Variants in CREBRF observed in about 807,000 individuals in gnomAD.
CREBRF encodes the protein CREB3 regulatory factor.
In CREBRF, 5 loss-of-function variants were observed where a neutral mutation model predicts 66.1. The observed-to-expected ratio is 0.08, with a 90% confidence interval of 0.04 to 0.16. The LOEUF (loss-of-function observed/expected upper bound fraction) is 0.16. Ranked by LOEUF, CREBRF falls within the 10% of genes least tolerant of loss-of-function variation. The pLI is 1.00. For synonymous variants in CREBRF, 229 were observed against 264.4 expected, an observed-to-expected ratio of 0.87 and a Z score of 1.30; for missense variants, 531 against 744.9, an observed-to-expected ratio of 0.71 and a Z score of 3.34.
At chr5:173,117,018 GTTTTC>G (rs2113783692) in intron 7 of CREBRF, among the ~76,000 whole-genome samples, 1 of 152,196 alleles carries the variant, frequency 6.6e-6, no homozygotes, top group African/African-American at 2.4e-5. Flanking sequence ...CTGTTCATAT[GTTTTC>G]TTTTGTGAAG....
At chr5:173,093,939 G>A (rs774683415) in intron 4 of CREBRF, among the ~76,000 whole-genome samples, 13 of 152,058 alleles carry the variant, frequency 8.5e-5, no homozygotes, top group Non-Finnish European at 1.5e-4. Context: ...ACCAGCCCCT[G>A]GCAACCTCCA....
At chr5:173,057,238 G>A (rs1757092068) in intron 1 of CREBRF, 1 of 84,226 alleles carries the variant, frequency 1.2e-5, no homozygotes. Context: ...GGGAGGCGGT[G>A]CCGCGGGGGG....
chr5:173,074,961 A>G (rs1039955059), intron 1 of CREBRF, among the ~76,000 whole-genome samples: 2 of 152,182 alleles, frequency 1.3e-5, no homozygotes, highest in Non-Finnish European at 2.9e-5. Context: ...TGAGGATAAA[A>G]GACTATTACA....
intron 7 of CREBRF, among the ~76,000 whole-genome samples, chr5:173,120,263 A>G (rs2339769): frequency 0.085 from 12,917 of 152,164 alleles, 730 homozygotes; most frequent in Middle Eastern, 0.17. Context: ...AGAATTTGCT[A>G]TTAAAACCTT....
intron 7 of CREBRF, among the ~76,000 whole-genome samples, chr5:173,120,856 G>T (rs1759123819): frequency 6.6e-6 from 1 of 151,394 alleles, no homozygotes; most frequent in African/African-American, 2.4e-5. Flanking sequence ...ACCAAGCCCA[G>T]CTAATTTTTA....
intron 4 of CREBRF, among the ~76,000 whole-genome samples, chr5:173,104,711 C>CAGAGAG (rs112995190): frequency 2.3e-4 from 34 of 146,506 alleles, no homozygotes; most frequent in African/African-American, 5.3e-4. Context: ...GCAACAAATT[C>CAGAGAG]AGAGAGAGAG....
rs774982420 is a variant in CREBRF at position 173,133,599 on chromosome 5, G to A, written c.1805-31G>A. 2.3e-6 allele frequency: 3 copies of A among 1,326,038 alleles called. No homozygotes were observed. The South Asian group carries it at 3.6e-5, about 16-fold the overall frequency. 82.1% of individuals were successfully genotyped at this position (1,326,038 alleles called of 1,614,324 possible). ...TCCCTTCATGGCCTTCCATTTTTGT[G>A]TCTAGATGTGCCTTTTATTCTTCTC... On this transcript the variant is annotated intron_variant, in intron 8 of 8. Transcript: ENST00000296953.
rs1561785047 is a variant in CREBRF at position 173,056,404 on chromosome 5, C to T, written c.-267C>T. On this transcript the variant is annotated 5_prime_UTR_variant, in exon 1 of 9. Transcript: ENST00000296953. ...AGGAAGGACATAAACAAAACAAACC[C>T]GAGGCAGCATGGAGAGGGGCCGTGG... is the stretch of plus-strand genomic sequence containing the variant. 3 of 398,160 alleles carry T rather than the reference C, an allele frequency of 7.5e-6. No individual in the cohort carries two copies. The highest frequency in any genetic ancestry group is 8.9e-6 in the Non-Finnish European group (2 of 225,808). The allele number at this position is 398,160 out of a possible 1,614,324, so 24.7% of individuals were successfully genotyped here. A position where few individuals can be genotyped will look rare whatever the true frequency, so the allele number is the denominator to read the frequency against.
intron 1 of CREBRF, among the ~76,000 whole-genome samples, chr5:173,056,808 C>T (rs1455282543): frequency 6.6e-6 from 1 of 151,804 alleles, no homozygotes; most frequent in East Asian, 2.0e-4. Context: ...TGCCGGGCCG[C>T]CCGGCCCTTC....
chr5:173,076,057 C>CAAA (rs35215379), intron 1 of CREBRF, among the ~76,000 whole-genome samples: 30 of 92,434 alleles, frequency 3.2e-4, no homozygotes, highest in East Asian at 8.0e-4. Context: ...CCCATCTCTA[C>CAAA]AAAAAAAAAA....
At chr5:173,112,503 TTTA>T in intron 7 of CREBRF, 124 bp downstream of exon 7, 1 of 616,332 alleles carries the variant, frequency 1.6e-6, no homozygotes, top group Non-Finnish European at 2.8e-6. Context: ...CTCCTATTTG[TTTA>T]TCTGTTCAGT....
At chr5:173,120,619 GAT>G (rs776318738) in intron 7 of CREBRF, among the ~76,000 whole-genome samples, 2 of 147,600 alleles carry the variant, frequency 1.4e-5, no homozygotes, top group Non-Finnish European at 3.0e-5. Context: ...GGCCTCAAGT[GAT>G]CCACCCATCT....
At chr5:173,100,078 T>TTGTTTG (rs1758579707) in intron 4 of CREBRF, among the ~76,000 whole-genome samples, 1 of 69,134 alleles carries the variant, frequency 1.4e-5, no homozygotes, top group Admixed American at 1.9e-4. Flanking sequence ...GGCTAATCTT[T>TTGTTTG]TGTGTGTGTG....
chr5:173,077,283 T>A (rs959493760), intron 1 of CREBRF, among the ~76,000 whole-genome samples: 15 of 152,220 alleles, frequency 9.9e-5, no homozygotes, highest in Admixed American at 6.5e-4. Context: ...GTAAAAAAAA[T>A]TTTTTGTGGT....
intron 1 of CREBRF, among the ~76,000 whole-genome samples, chr5:173,057,100 C>G (rs1016155544): frequency 2.0e-5 from 3 of 151,968 alleles, no homozygotes; most frequent in Non-Finnish European, 2.9e-5. Flanking sequence ...GCCTCCCTCC[C>G]GGGATTTGTT....
chr5:173,079,184 T>C (rs546029961), intron 1 of CREBRF, among the ~76,000 whole-genome samples: 22 of 152,232 alleles, frequency 1.4e-4, no homozygotes, highest in African/African-American at 5.1e-4. Flanking sequence ...AGGTGGGCAC[T>C]TGACATTGTT....
At chr5:173,109,116 C>T in intron 5 of CREBRF, 1 of 279,836 alleles carries the variant, frequency 3.6e-6, no homozygotes, top group African/African-American at 2.2e-5. Context: ...GGTTTCTGAC[C>T]TGTCACAGTT....
chr5:173,134,316 A>G lies in CREBRF; in HGVS notation c.*571A>G, dbSNP rs1440889622. The G allele has an allele frequency of 4.3e-6, 1 of 230,482 alleles. No individual in the cohort carries two copies. The highest frequency in any genetic ancestry group is 8.6e-6 in the Non-Finnish European group (1 of 115,942). The allele number at this position is 230,482 out of a possible 1,614,324, so 14.3% of individuals were successfully genotyped here. ...CACACACACACACAAATGTCTGTGC[A>G]AGTAAGAAAAAAAAAGCATATTCTT... On this transcript the variant is annotated 3_prime_UTR_variant, in exon 9 of 9. Transcript: ENST00000296953.
intron 7 of CREBRF, among the ~76,000 whole-genome samples, chr5:173,120,683 CTTTTTTTTTTTTTTT>C (rs70984942): frequency 2.0e-5 from 1 of 51,218 alleles, no homozygotes; most frequent in Non-Finnish European, 3.8e-5. Context: ...GCCTGAGCCT[CTTTTTTTTTTTTTTT>C]TTTTTTTTTT....
Sources: gnomAD v4.1 joint callset for allele counts (sites outside exome capture counted in the v4.1 genomes callset) on GRCh38, gnomAD v4.1.1 for gene constraint, MANE v1.5 for transcripts, NCBI Gene and HGNC (gene_info 2026-07-23, HGNC 2026-07-21) for gene names.